NRXN1: variants seen among roughly 807,000 people sequenced by gnomAD.
The protein encoded by NRXN1 is neurexin-1.
Under a neutral mutation model 150.9 loss-of-function variants are expected in NRXN1, and 39 were observed. That is an observed-to-expected ratio of 0.26 (90% CI 0.20 to 0.34). NRXN1 has a LOEUF of 0.34. Among genes scored for constraint, NRXN1 ranks in the 10% least tolerant of loss-of-function variants. The probability of loss-of-function intolerance (pLI) is 1.00; values close to 1 mark genes in which losing one functional copy is unlikely to be tolerated. For synonymous variants in NRXN1, 924 were observed against 757.0 expected (o/e 1.22, Z -3.62); for missense variants, 1,815 against 1,949.9 (o/e 0.93, Z 1.30).
chr2:50,623,173 G>T, intron 6 of NRXN1, 141 bp downstream of exon 6: 1 of 644,686 alleles, frequency 1.6e-6, no homozygotes. Context: ...ATGGCAGGAA[G>T]ATTCATCTCA....
chr2:50,208,764 G>C (rs780261557), intron 18 of NRXN1, among the ~76,000 whole-genome samples: 1 of 152,016 alleles, frequency 6.6e-6, no homozygotes, highest in Non-Finnish European at 1.5e-5. Flanking sequence ...AAAATAACAC[G>C]AGTCCTTTAA....
chr2:50,702,148 T>G (rs1693828992), intron 5 of NRXN1, among the ~76,000 whole-genome samples: 1 of 152,144 alleles, frequency 6.6e-6, no homozygotes, highest in African/African-American at 2.4e-5. Flanking sequence ...GATTATTAGA[T>G]ATTCTTAGAA....
rs1014058021 is a variant in NRXN1 at position 50,347,141 on chromosome 2, C to G, written c.3365-110171G>C. Reference sequence around the variant, plus strand: ...CTGGAGTCCGCCGTGCCTAGCACCCCAAACAATCCGAAACATAGCCGAGGC... The same window carrying G: ...CTGGAGTCCGCCGTGCCTAGCACCCGAAACAATCCGAAACATAGCCGAGGC... On this transcript the variant is annotated intron_variant, in intron 17 of 22. Coordinates refer to ENST00000401669, the MANE Select transcript of NRXN1 (RefSeq NM_001330078.2). This position sits in a 1 kb window ranked among gnomAD's most constrained non-coding sequence, Gnocchi z 4.9. The G allele has an allele frequency of 3.6e-6, 5 of 1,382,162 alleles. No homozygotes were observed. Among genetic ancestry groups the G allele is most frequent in the Non-Finnish European group, 4.8e-6 (5 of 1,050,166 alleles). 85.6% of individuals were successfully genotyped at this position (1,382,162 alleles called of 1,614,324 possible).
At chr2:50,396,574 C>A (rs546126021) in intron 17 of NRXN1, among the ~76,000 whole-genome samples, 233 of 152,068 alleles carry the variant, frequency 1.5e-3, no homozygotes, top group African/African-American at 5.2e-3. Flanking sequence ...GAATTGTGGT[C>A]AAAAAACGAG....
At chr2:50,185,167 A>G (rs147395536) in intron 18 of NRXN1, among the ~76,000 whole-genome samples, 43 of 152,224 alleles carry the variant, frequency 2.8e-4, no homozygotes, top group African/African-American at 9.9e-4. Flanking sequence ...TTGTTCAGAA[A>G]TCTCTTAGAA....
chr2:51,010,205 A>T (rs1667624091), intron 2 of NRXN1, among the ~76,000 whole-genome samples: 1 of 151,988 alleles, frequency 6.6e-6, no homozygotes, highest in Non-Finnish European at 1.5e-5. Flanking sequence ...TTCCTTTGAT[A>T]ATCTGCTCTT....
At chr2:50,828,805 C>G (rs1175884334) in intron 5 of NRXN1, among the ~76,000 whole-genome samples, 5 of 152,116 alleles carry the variant, frequency 3.3e-5, no homozygotes, top group Admixed American at 3.3e-4. Flanking sequence ...GGCAGAGACG[C>G]TCCTCACTTC....
At chr2:50,762,296 C>T (rs1427104584) in intron 5 of NRXN1, among the ~76,000 whole-genome samples, 2 of 151,854 alleles carry the variant, frequency 1.3e-5, no homozygotes, top group African/African-American at 4.8e-5. Flanking sequence ...CTCATGCCAC[C>T]ATGTCCAGCT....
At chr2:50,528,901 G>A (rs2093027278) in intron 11 of NRXN1, 2 of 409,184 alleles carry the variant, frequency 4.9e-6, no homozygotes, top group Admixed American at 4.8e-5. Context: ...TCTAAGTGAA[G>A]TAAAGAATTG....
chr2:50,980,125 T>C (rs756246004), intron 2 of NRXN1, among the ~76,000 whole-genome samples: 11 of 152,096 alleles, frequency 7.2e-5, no homozygotes, highest in African/African-American at 1.2e-4. Flanking sequence ...AATCAGGAGA[T>C]GTCTGATTAA....
chr2:50,815,773 T>C (rs1177223372), intron 5 of NRXN1, among the ~76,000 whole-genome samples: 1 of 152,194 alleles, frequency 6.6e-6, no homozygotes, highest in Admixed American at 6.6e-5. Flanking sequence ...AAAAGCATTA[T>C]TTTCACGCTA....
intron 5 of NRXN1, among the ~76,000 whole-genome samples, chr2:50,753,534 G>T (rs1359763742): frequency 6.6e-6 from 1 of 151,676 alleles, no homozygotes; most frequent in Non-Finnish European, 1.5e-5. Context: ...AAAACCTCAG[G>T]GACTCTGTCA....
At position 50,962,808 on chromosome 2, in the gene NRXN1, A is replaced by G. The variant is rs1419612147; in HGVS notation, c.773-36853T>C. ...AAATTTTCGCTCCCAAATGATCTCA[A>G]TTTTCCAGACCACAGGTGAATGCTT... On this transcript the variant is annotated intron_variant, in intron 2 of 22. Coordinates refer to ENST00000401669, the MANE Select transcript of NRXN1 (RefSeq NM_001330078.2). Among the ~76,000 whole-genome samples, 4 of 151,546 alleles carry G rather than the reference A, an allele frequency of 2.6e-5. No homozygotes were observed. In the South Asian group the frequency reaches 8.3e-4, roughly 32 times the overall value.
chr2:50,538,145 A>T, intron 10 of NRXN1, 108 bp downstream of exon 10: 1 of 1,244,800 alleles, frequency 8.0e-7, no homozygotes, highest in Non-Finnish European at 1.1e-6. Flanking sequence ...AACAGAGTTT[A>T]CTTCAGTAGA....
At chr2:49,987,102 T>C (rs1001028406) in intron 21 of NRXN1, among the ~76,000 whole-genome samples, 2 of 152,068 alleles carry the variant, frequency 1.3e-5, no homozygotes, top group Admixed American at 6.6e-5. Flanking sequence ...TGCAGTACTA[T>C]AGAACACTAG....
At position 50,901,992 on chromosome 2, in the gene NRXN1, T is replaced by A. The variant is rs184487353; in HGVS notation, c.832+19877A>T. ...ATGAATAGAACATTACTTGCTTCTATACCAAACTAGAATTTGGTGGGAAAG... is the reference window on the plus strand; with the variant it reads ...ATGAATAGAACATTACTTGCTTCTAAACCAAACTAGAATTTGGTGGGAAAG... On this transcript the variant is annotated intron_variant, in intron 5 of 22. Transcript: ENST00000401669. 7.2e-4 allele frequency among the ~76,000 whole-genome samples: 109 copies of A among 152,226 alleles called. 1 individual carries two copies. Among genetic ancestry groups the A allele is most frequent in the African/African-American group, 2.6e-3 (106 of 41,566 alleles).
At chr2:50,023,312 T>G (rs1050960174) in intron 21 of NRXN1, 3 of 152,180 alleles carry the variant, frequency 2.0e-5, no homozygotes, top group East Asian at 3.9e-4. Flanking sequence ...TCACTTCTCT[T>G]TTTCAATGCC....
chr2:50,227,081 G>C (rs929916396), intron 18 of NRXN1, among the ~76,000 whole-genome samples: 1 of 150,672 alleles, frequency 6.6e-6, no homozygotes, highest in African/African-American at 2.4e-5. Context: ...TGCCATCAGA[G>C]TTTAAATACT....
At chr2:50,181,249 A>T in intron 18 of NRXN1, among the ~76,000 whole-genome samples, 1 of 152,010 alleles carries the variant, frequency 6.6e-6, no homozygotes, top group South Asian at 2.1e-4. Flanking sequence ...GTTTAAAAAA[A>T]ACCTATGTAT....
Sources: gnomAD v4.1 joint callset for allele counts (sites outside exome capture counted in the v4.1 genomes callset) on GRCh38, gnomAD v4.1.1 for gene constraint, Gnocchi (gnomAD v3.1) non-coding constraint, MANE v1.5 for transcripts, NCBI Gene and HGNC (gene_info 2026-07-23, HGNC 2026-07-21) for gene names.